The following CCM2 variants were observed in gnomAD, a reference collection of about 807,000 sequenced individuals.
CCM2 encodes the protein CCM2 scaffold protein, also known as cerebral cavernous malformations 2 protein.
In CCM2, 25 loss-of-function variants were observed where a neutral mutation model predicts 44.9. The ratio of observed to expected loss-of-function variants is 0.56; its 90% CI spans 0.41 to 0.78. The LOEUF is 0.78. CCM2 is among the 30% of genes least tolerant of loss of function. The pLI is 0.00. For missense variants in CCM2, 481 were observed against 580.6 expected (o/e 0.83, Z 1.76); for synonymous variants, 219 against 241.1 (o/e 0.91, Z 0.85).
intron 4 of CCM2, 139 bp downstream of exon 4, chr7:45,064,785 T>C (rs1798693997): frequency 5.6e-6 from 5 of 894,950 alleles, no homozygotes; most frequent in Non-Finnish European, 8.7e-6. Context: ...TTCCTGTCTC[T>C]GAGATCAGCC....
chr7:45,021,476 A>C (rs1487087333), intron 1 of CCM2, among the ~76,000 whole-genome samples: 1 of 151,760 alleles, frequency 6.6e-6, no homozygotes, highest in East Asian at 1.9e-4. Context: ...AGACAGGGAG[A>C]ATTGCTTGAA....
intron 1 of CCM2, among the ~76,000 whole-genome samples, chr7:45,023,492 G>T (rs1796562430): frequency 6.6e-6 from 1 of 152,212 alleles, no homozygotes; most frequent in Admixed American, 6.5e-5. Context: ...GGAGGTTGCA[G>T]TGAGCTGAGA....
intron 2 of CCM2, among the ~76,000 whole-genome samples, chr7:45,058,981 G>A (rs1051012265): frequency 6.6e-6 from 1 of 151,526 alleles, no homozygotes; most frequent in African/African-American, 2.4e-5. Flanking sequence ...CTGACCTCAG[G>A]TGATCCACCT....
Position 45,073,456 on chromosome 7 carries a change from G to T in CCM2, c.804-4G>T. The T allele has an allele frequency of 6.2e-7, 1 of 1,611,416 alleles. No homozygotes were observed. Among genetic ancestry groups the T allele is most frequent in the Non-Finnish European group, 8.5e-7 (1 of 1,178,074 alleles). ...ACCCGCTCACATACCACATTCTTTC[G>T]CAGCTGCTTCCCTGAATCTGTGGAT... On this transcript the variant is annotated splice_region_variant and splice_polypyrimidine_tract_variant and intron_variant, in intron 7 of 9. Transcript: ENST00000258781.
chr7:45,061,464 T>C (rs1583961870), intron 2 of CCM2, among the ~76,000 whole-genome samples: 1 of 148,804 alleles, frequency 6.7e-6, no homozygotes, highest in Non-Finnish European at 1.5e-5. Flanking sequence ...TTCTTTTTTT[T>C]TTTTTTTTTT....
chr7:45,000,258 G>T lies in CCM2; in HGVS notation c.-76G>T. 1 of 988,580 alleles carries T rather than the reference G, an allele frequency of 1.0e-6. No homozygotes were observed. The highest frequency in any genetic ancestry group is 1.2e-6 in the Non-Finnish European group (1 of 802,344). The allele number at this position is 988,580 out of a possible 1,614,324, so 61.2% of individuals were successfully genotyped here. Reference sequence around the variant, plus strand: ...GGGAGCGCGGGGGCGGCGGGCCCGGGTCGAGCATGTAGCGGCTGCTGGCGG... The same window carrying T: ...GGGAGCGCGGGGGCGGCGGGCCCGGTTCGAGCATGTAGCGGCTGCTGGCGG... On this transcript the variant is annotated 5_prime_UTR_variant, in exon 1 of 10. Coordinates refer to ENST00000258781, the MANE Select transcript of CCM2 (RefSeq NM_031443.4).
At chr7:45,017,862 G>T (rs568848490) in intron 1 of CCM2, among the ~76,000 whole-genome samples, 2 of 152,276 alleles carry the variant, frequency 1.3e-5, no homozygotes, top group African/African-American at 4.8e-5. Flanking sequence ...TTCTTAGCCT[G>T]AAGACCTTGC....
intron 1 of CCM2, among the ~76,000 whole-genome samples, chr7:45,036,248 GT>G (rs1032567570): frequency 5.3e-5 from 8 of 152,138 alleles, no homozygotes; most frequent in Non-Finnish European, 1.2e-4. Flanking sequence ...TGTGTTTTTT[GT>G]TTTCGTTTTT....
intron 2 of CCM2, among the ~76,000 whole-genome samples, chr7:45,045,007 T>G (rs1367384989): frequency 6.6e-6 from 1 of 152,242 alleles, no homozygotes; most frequent in African/African-American, 2.4e-5. Context: ...TAATAGAAAT[T>G]GGTGAAATTA....
At chr7:45,005,940 A>G (rs188527303) in intron 1 of CCM2, among the ~76,000 whole-genome samples, 1 of 152,282 alleles carries the variant, frequency 6.6e-6, no homozygotes, top group Admixed American at 6.5e-5. Context: ...TATGCACTTG[A>G]AGCCACTGGA....
chr7:45,039,754 C>T (rs1378442197), intron 2 of CCM2, among the ~76,000 whole-genome samples: 4 of 152,146 alleles, frequency 2.6e-5, no homozygotes, highest in South Asian at 4.1e-4. Flanking sequence ...AGGCCAGGTG[C>T]GGTGGCTCAC....
chr7:45,069,629 A>G (rs1272124687), intron 5 of CCM2, among the ~76,000 whole-genome samples, 197 bp from the exon 6 acceptor site: 3 of 152,174 alleles, frequency 2.0e-5, no homozygotes, highest in African/African-American at 4.8e-5. Flanking sequence ...GCAGTCCTAG[A>G]TAGAGTCCTG....
chr7:45,051,336 C>A (rs1488168108), intron 2 of CCM2, among the ~76,000 whole-genome samples: 1 of 152,186 alleles, frequency 6.6e-6, no homozygotes, highest in Admixed American at 6.5e-5. Flanking sequence ...GGTGTCATCT[C>A]CCAGCTGGCC....
intron 1 of CCM2, among the ~76,000 whole-genome samples, chr7:45,019,253 T>A (rs1562864658): frequency 1.3e-5 from 2 of 152,072 alleles, no homozygotes; most frequent in African/African-American, 2.4e-5. Context: ...AAAAGTTTTT[T>A]AAATATAGAT....
intron 2 of CCM2, among the ~76,000 whole-genome samples, chr7:45,049,692 C>A (rs181919928): frequency 6.6e-6 from 1 of 152,116 alleles, no homozygotes; most frequent in African/African-American, 2.4e-5. Flanking sequence ...GTTTCTAGAT[C>A]TAAGGCTAGG....
chr7:45,074,304 A>C lies in CCM2; in HGVS notation c.950A>C (p.Gln317Pro). The C allele has an allele frequency of 6.2e-7, 1 of 1,613,794 alleles. No homozygotes were observed. The highest frequency in any genetic ancestry group is 1.1e-5 in the South Asian group (1 of 91,090). The change falls in exon 9 of 10, where the codon CAG becomes CCG. Residue 317 changes from glutamine to proline, a missense_variant. Coordinates refer to ENST00000258781, the MANE Select transcript of CCM2 (RefSeq NM_031443.4). ...AAGCTGTCATCACAGGAGATCCAGC[A>C]GTTTGCAGCACTGCTGCACGAGTAC... The part of the protein sequence containing the change: ...RTKLSSQEIQ[Q>P]FAALLHEYRN...
At chr7:45,024,170 T>C (rs1283240926) in intron 1 of CCM2, among the ~76,000 whole-genome samples, 3 of 152,206 alleles carry the variant, frequency 2.0e-5, no homozygotes, top group African/African-American at 7.2e-5. Context: ...TGTGGACTTT[T>C]TGGATTTCTA....
At position 45,007,866 on chromosome 7, in the gene CCM2, GA is replaced by G. The variant is rs1199398867; in HGVS notation, c.30+7511del. Reference sequence around the variant, plus strand: ...TCACATGTTGTTTTTGTACCTTGGAGAAAAAAAAGAGAGAAGCCTTTATTTA... The same window carrying G: ...TCACATGTTGTTTTTGTACCTTGGAGAAAAAAAGAGAGAAGCCTTTATTTA... On this transcript the variant is annotated intron_variant, in intron 1 of 9. Coordinates refer to ENST00000258781, the MANE Select transcript of CCM2 (RefSeq NM_031443.4). Among the ~76,000 whole-genome samples the G allele has an allele frequency of 2.0e-5, 3 of 151,310 alleles. No homozygotes were observed. The East Asian group carries it at 5.8e-4, about 29-fold the overall frequency.
intron 1 of CCM2, chr7:45,029,612 T>C (rs1796864002): frequency 6.6e-6 from 1 of 152,270 alleles, no homozygotes; most frequent in African/African-American, 2.4e-5. Flanking sequence ...TGTAAATTAA[T>C]AAACAGGTGC....
Sources: allele counts gnomAD v4.1 joint callset (sites outside exome capture counted in the v4.1 genomes callset), GRCh38; gene constraint gnomAD v4.1.1; transcripts MANE v1.5; gene names NCBI Gene and HGNC (gene_info 2026-07-23, HGNC 2026-07-21).